RAB10: variants seen among roughly 807,000 people sequenced by gnomAD.
RAB10 encodes the protein RAB10, member RAS oncogene family, also known as ras-related protein Rab-10.
Under a neutral mutation model 25.7 loss-of-function variants are expected in RAB10, and 5 were observed. The ratio of observed to expected loss-of-function variants is 0.19; its 90% CI spans 0.10 to 0.41. The LOEUF (loss-of-function observed/expected upper bound fraction) is 0.41, where lower values mean the gene tolerates loss of function less well. Among genes scored for constraint, RAB10 ranks in the 10% least tolerant of loss-of-function variants. RAB10 has a pLI of 1.00. For synonymous variants in RAB10, 89 were observed against 86.4 expected, an observed-to-expected ratio of 1.03 and a Z score of -0.16; for missense variants, 103 against 245.8, an observed-to-expected ratio of 0.42 and a Z score of 3.89.
intron 1 of RAB10, chr2:26,042,612 C>T (rs570552853): frequency 6.6e-6 from 1 of 152,010 alleles, no homozygotes; most frequent in Admixed American, 6.6e-5. Context: ...TACCATCTCA[C>T]TCCAGCCTGG....
At chr2:26,050,415 T>G (rs1666105949) in intron 1 of RAB10, among the ~76,000 whole-genome samples, 2 of 152,286 alleles carry the variant, frequency 1.3e-5, no homozygotes, top group South Asian at 4.1e-4. Flanking sequence ...AGATTTCTAA[T>G]TTTTTAAGTT....
At chr2:26,103,040 T>C (rs1038716927) in intron 2 of RAB10, among the ~76,000 whole-genome samples, 2 of 152,194 alleles carry the variant, frequency 1.3e-5, no homozygotes, top group African/African-American at 2.4e-5. Context: ...ATACTTCTTA[T>C]TGTTCATTAT....
chr2:26,038,738 T>C (rs1252209841), intron 1 of RAB10, among the ~76,000 whole-genome samples: 1 of 151,176 alleles, frequency 6.6e-6, no homozygotes, highest in Non-Finnish European at 1.5e-5. Flanking sequence ...CTGCCAAACA[T>C]GGTGAAACTT....
intron 1 of RAB10, among the ~76,000 whole-genome samples, chr2:26,065,027 T>C (rs1293283416): frequency 1.3e-5 from 2 of 152,186 alleles, no homozygotes; most frequent in Non-Finnish European, 1.5e-5. Flanking sequence ...CACTGCAGGC[T>C]CTGTAGCCTG....
chr2:26,130,424 A>G (rs1385589425), intron 5 of RAB10, among the ~76,000 whole-genome samples: 1 of 151,830 alleles, frequency 6.6e-6, no homozygotes, highest in Non-Finnish European at 1.5e-5. Flanking sequence ...CTCCAGTGAT[A>G]CACTAGTAGC....
intron 1 of RAB10, among the ~76,000 whole-genome samples, chr2:26,076,952 A>G (rs1056773565): frequency 1.3e-5 from 2 of 151,862 alleles, no homozygotes; most frequent in African/African-American, 2.4e-5. Flanking sequence ...AAAGAGAAAA[A>G]AAAAAAAACA....
chr2:26,095,842 G>T (rs1219279494), intron 1 of RAB10, among the ~76,000 whole-genome samples: 1 of 152,244 alleles, frequency 6.6e-6, no homozygotes, highest in East Asian at 1.9e-4. Context: ...AGCCCAGGAG[G>T]TCGAGGCTGC....
chr2:26,114,490 A>G (rs1275281442), intron 3 of RAB10, among the ~76,000 whole-genome samples: 2 of 152,304 alleles, frequency 1.3e-5, no homozygotes, highest in South Asian at 2.1e-4. Flanking sequence ...TTCAATGGGC[A>G]AAAGAATAGT....
At chr2:26,086,015 AAAGGG>A (rs1309640196) in intron 1 of RAB10, among the ~76,000 whole-genome samples, 230 of 118,190 alleles carry the variant, frequency 1.9e-3, no homozygotes, top group African/African-American at 6.8e-3. Flanking sequence ...AAAAAAAAAA[AAAGGG>A]GGGGGGCAAA....
intron 5 of RAB10, among the ~76,000 whole-genome samples, chr2:26,130,183 T>C (rs1431600468): frequency 6.6e-6 from 1 of 152,238 alleles, no homozygotes; most frequent in Non-Finnish European, 1.5e-5. Context: ...GAATAGTCTT[T>C]CACAATTGAG....
chr2:26,088,009 A>G (rs751002575), intron 1 of RAB10, among the ~76,000 whole-genome samples: 21 of 152,202 alleles, frequency 1.4e-4, no homozygotes, highest in African/African-American at 2.7e-4. Context: ...TTGAAATCCA[A>G]TGCCTAAGCG....
chr2:26,045,270 C>T lies in RAB10; in HGVS notation c.127+10535C>T, dbSNP rs1295044232. ...TTTTTTTTTTTTTGAGACAGAGTCT[C>T]GTTCTGTCGCCCAGGCTGGAGTGCA... is the stretch of plus-strand genomic sequence containing the variant. On this transcript the variant is annotated intron_variant, in intron 1 of 5. Transcript: ENST00000264710. 4.7e-5 allele frequency among the ~76,000 whole-genome samples: 7 copies of T among 149,300 alleles called. No individual in the cohort carries two copies. The East Asian group carries it at 1.2e-3, about 25-fold the overall frequency.
intron 1 of RAB10, among the ~76,000 whole-genome samples, chr2:26,053,839 C>A (rs1353591711): frequency 6.6e-6 from 1 of 151,862 alleles, no homozygotes; most frequent in African/African-American, 2.4e-5. Flanking sequence ...CCTGCCTCAG[C>A]CTCCTGAGTA....
intron 1 of RAB10, among the ~76,000 whole-genome samples, chr2:26,044,749 T>C (rs1419574058): frequency 6.6e-6 from 1 of 152,042 alleles, no homozygotes; most frequent in Non-Finnish European, 1.5e-5. Context: ...TTTCGCCCTG[T>C]TGACCAGGCT....
At chr2:26,120,368 A>G (rs1049021836) in intron 3 of RAB10, among the ~76,000 whole-genome samples, 1 of 152,206 alleles carries the variant, frequency 6.6e-6, no homozygotes, top group African/African-American at 2.4e-5. Context: ...ACAACTTGCA[A>G]AGTTTTATGT....
intron 1 of RAB10, among the ~76,000 whole-genome samples, chr2:26,040,917 A>G (rs1665869101): frequency 6.6e-6 from 1 of 152,138 alleles, no homozygotes; most frequent in African/African-American, 2.4e-5. Context: ...TATTGTATTT[A>G]TGGTCAGATT....
At chr2:26,094,806 G>A (rs1431102856) in intron 1 of RAB10, among the ~76,000 whole-genome samples, 2 of 152,090 alleles carry the variant, frequency 1.3e-5, no homozygotes, top group African/African-American at 4.8e-5. Flanking sequence ...TGATACCCCC[G>A]CCTCAGCCAC....
At chr2:26,090,343 T>A (rs528855722) in intron 1 of RAB10, among the ~76,000 whole-genome samples, 1 of 152,194 alleles carries the variant, frequency 6.6e-6, no homozygotes, top group African/African-American at 2.4e-5. Context: ...TTAAGGTGGC[T>A]TAGTTTGTTT....
At chr2:26,047,207 A>AATT (rs1666029770) in intron 1 of RAB10, among the ~76,000 whole-genome samples, 1 of 152,102 alleles carries the variant, frequency 6.6e-6, no homozygotes, top group Non-Finnish European at 1.5e-5. Context: ...GTTCTTTTGT[A>AATT]ATTATAGCCT....
Sources: gnomAD v4.1 joint callset for allele counts (sites outside exome capture counted in the v4.1 genomes callset) on GRCh38, gnomAD v4.1.1 for gene constraint, MANE v1.5 for transcripts, NCBI Gene and HGNC (gene_info 2026-07-23, HGNC 2026-07-21) for gene names.